PREX2: variants seen among roughly 807,000 people sequenced by gnomAD.
PREX2 encodes the protein phosphatidylinositol-3,4,5-trisphosphate dependent Rac exchange factor 2, also known as phosphatidylinositol 3,4,5-trisphosphate-dependent Rac exchanger 2 protein.
Under a neutral mutation model 203.2 loss-of-function variants are expected in PREX2, and 107 were observed. The observed-to-expected ratio is 0.53, with a 90% CI of 0.45 to 0.62. The LOEUF (loss-of-function observed/expected upper bound fraction) is 0.62, where lower values mean the gene tolerates loss of function less well. PREX2 is among the 20% of genes least tolerant of loss of function. The pLI is 0.00. For missense variants in PREX2, 1,777 were observed against 1,955.9 expected (o/e 0.91, Z 1.72); for synonymous variants, 672 against 663.6 (o/e 1.01, Z -0.19).
At chr8:68,030,682 C>A (rs759831560) in intron 6 of PREX2, 24 bp downstream of exon 6, 17 of 1,611,486 alleles carry the variant, frequency 1.1e-5, no homozygotes, top group Non-Finnish European at 1.4e-5. Context: ...GCTTGACAAT[C>A]GAGCTTAAGA....
intron 7 of PREX2, 27 bp downstream of exon 7, chr8:68,038,319 A>G: frequency 6.2e-7 from 1 of 1,610,530 alleles, no homozygotes; most frequent in Non-Finnish European, 8.5e-7. Context: ...GACACACTTC[A>G]GAAGTGGTCA....
intron 38 of PREX2, among the ~76,000 whole-genome samples, chr8:68,224,334 G>A (rs901376496): frequency 7.9e-5 from 12 of 152,104 alleles, no homozygotes; most frequent in Admixed American, 5.2e-4. Flanking sequence ...AACATCTGAA[G>A]TATTGATCGC....
chr8:68,035,727 G>A (rs1808006778), intron 6 of PREX2, among the ~76,000 whole-genome samples: 1 of 152,118 alleles, frequency 6.6e-6, no homozygotes. Context: ...ATTACTCAAG[G>A]AAGATATTTC....
chr8:68,205,459 A>G (rs1055413669), intron 37 of PREX2, among the ~76,000 whole-genome samples: 2 of 152,164 alleles, frequency 1.3e-5, no homozygotes, highest in Admixed American at 6.5e-5. Context: ...CTCAGGGTGA[A>G]TAAGGTGGGA....
chr8:68,109,356 G>A (rs1225396338), intron 24 of PREX2, 60 bp from the exon 25 acceptor site: 1 of 1,225,590 alleles, frequency 8.2e-7, no homozygotes, highest in African/African-American at 1.5e-5. Flanking sequence ...TAATTGGACT[G>A]GGTTGTTATC....
At position 68,217,704 on chromosome 8, in the gene PREX2, G is replaced by A. The variant is rs1812870824; in HGVS notation, c.4693G>A (p.Val1565Met). 2 of 1,613,562 alleles carry A rather than the reference G, an allele frequency of 1.2e-6. No individual in the cohort carries two copies. Among genetic ancestry groups the A allele is most frequent in the African/African-American group, 2.7e-5 (2 of 75,056 alleles). ...PPRYIMQATD[V>M]MRKQGARVQN... Reference sequence around the variant, plus strand: ...TCGTTACATCATGCAGGCTACAGATGTGATGCGGAAGCAGGTAGGTCTCAT... The same window carrying A: ...TCGTTACATCATGCAGGCTACAGATATGATGCGGAAGCAGGTAGGTCTCAT... The change falls in exon 38 of 40, where the codon GTG (valine) becomes ATG (methionine). Residue 1565 changes from valine (V) to methionine (M), a missense_variant. By Grantham distance (21) the Val-to-Met change is conservative. Transcript: ENST00000288368.
intron 38 of PREX2, among the ~76,000 whole-genome samples, chr8:68,222,231 G>A (rs1297166713): frequency 6.6e-6 from 1 of 152,072 alleles, no homozygotes; most frequent in African/African-American, 2.4e-5. Flanking sequence ...CCAAATCCTG[G>A]CTTCTAAATA....
At chr8:68,203,891 G>A (rs1487871352) in intron 37 of PREX2, among the ~76,000 whole-genome samples, 1 of 152,132 alleles carries the variant, frequency 6.6e-6, no homozygotes, top group East Asian at 1.9e-4. Flanking sequence ...CCACATACTA[G>A]ACATCTCTTT....
intron 1 of PREX2, among the ~76,000 whole-genome samples, chr8:67,986,874 G>T (rs1806444924): frequency 6.6e-6 from 1 of 151,998 alleles, no homozygotes. Context: ...TTTTAAAAAA[G>T]AACATCACTG....
At chr8:67,970,412 A>T (rs1433744179) in intron 1 of PREX2, among the ~76,000 whole-genome samples, 1 of 152,200 alleles carries the variant, frequency 6.6e-6, no homozygotes, top group African/African-American at 2.4e-5. Context: ...CCTTTCAACA[A>T]CATGGTATTA....
chr8:68,124,967 T>TTTCA (rs1810859616), intron 30 of PREX2, among the ~76,000 whole-genome samples: 1 of 152,048 alleles, frequency 6.6e-6, no homozygotes, highest in Admixed American at 6.6e-5. Context: ...TTTCAGTGAG[T>TTTCA]TTCAGTGAGC....
At chr8:68,161,705 A>C (rs1217490710) in intron 35 of PREX2, among the ~76,000 whole-genome samples, 2 of 152,106 alleles carry the variant, frequency 1.3e-5, no homozygotes, top group Non-Finnish European at 2.9e-5. Flanking sequence ...AGTAAAAAAA[A>C]AAAATTACTC....
intron 1 of PREX2, among the ~76,000 whole-genome samples, chr8:68,003,422 G>T (rs1346694947): frequency 6.6e-6 from 1 of 152,180 alleles, no homozygotes; most frequent in Non-Finnish European, 1.5e-5. Flanking sequence ...AGGGTCTGGG[G>T]CCACCTTTCT....
At chr8:68,047,486 T>TATATATATATATAC (rs1808395121) in intron 8 of PREX2, among the ~76,000 whole-genome samples, 2 of 103,530 alleles carry the variant, frequency 1.9e-5, no homozygotes, top group Admixed American at 8.6e-5. Context: ...TATATATATA[T>TATATATATATATAC]ATATATATAT....
chr8:68,112,298 A>G (rs1810550134), intron 25 of PREX2, among the ~76,000 whole-genome samples: 1 of 152,230 alleles, frequency 6.6e-6, no homozygotes, highest in South Asian at 2.1e-4. Context: ...GTAAAAGGAA[A>G]AATAATTAAT....
chr8:68,050,958 G>A (rs1808511619), intron 8 of PREX2, among the ~76,000 whole-genome samples: 1 of 152,142 alleles, frequency 6.6e-6, no homozygotes, highest in Admixed American at 6.6e-5. Flanking sequence ...TTTAGACAGA[G>A]TTGAGTTATT....
At chr8:68,024,707 G>T (rs1435720845) in intron 4 of PREX2, among the ~76,000 whole-genome samples, 2 of 151,476 alleles carry the variant, frequency 1.3e-5, no homozygotes, top group South Asian at 4.2e-4. Context: ...TTTTTTGTTT[G>T]TTTCTCTGTT....
At chr8:68,100,467 G>A (rs139180014) in intron 23 of PREX2, among the ~76,000 whole-genome samples, 3,256 of 152,308 alleles carry the variant, frequency 0.021, 73 homozygotes, top group Admixed American at 0.039. Context: ...AATCAAAATA[G>A]GGAAGTATGG....
At chr8:68,159,687 A>G (rs1811614767) in intron 35 of PREX2, among the ~76,000 whole-genome samples, 1 of 152,250 alleles carries the variant, frequency 6.6e-6, no homozygotes, top group African/African-American at 2.4e-5. Context: ...TATAAAGTCC[A>G]CATCAATTCC....
Sources: gnomAD v4.1 joint callset for allele counts (sites outside exome capture counted in the v4.1 genomes callset) on GRCh38, gnomAD v4.1.1 for gene constraint, MANE v1.5 for transcripts, NCBI Gene and HGNC (gene_info 2026-07-23, HGNC 2026-07-21) for gene names.